SLFN12L: variants seen among roughly 807,000 people sequenced by gnomAD.
The protein encoded by SLFN12L is schlafen family member 12-like.
SLFN12L carries 34 observed loss-of-function variants against 34.8 expected under a neutral mutation model. That is an observed-to-expected ratio of 0.98 (90% CI 0.74 to 1.30). SLFN12L has a LOEUF of 1.30. Among genes scored for constraint, SLFN12L ranks in the 50% most tolerant of loss-of-function variants. SLFN12L has a pLI of 0.00. For synonymous variants in SLFN12L, 259 were observed against 247.5 expected (o/e 1.05, Z -0.44); for missense variants, 703 against 696.2 (o/e 1.01, Z -0.11).
chr17:35,485,849 G>A (rs1914558935), intron 2 of SLFN12L, among the ~76,000 whole-genome samples: 1 of 152,132 alleles, frequency 6.6e-6, no homozygotes, highest in African/African-American at 2.4e-5. Flanking sequence ...TGTTCCATTG[G>A]TCTACGTGTC....
rs892428546 is a variant in SLFN12L at position 35,468,262 on chromosome 17, C to A, written c.*6661G>T. The stretch of plus-strand genomic sequence containing the variant: ...CTTTTGTTGTTTTATCATCTGGAGG[C>A]ACCAACCCTCCATACAAGCCATTGT... On this transcript the variant is annotated 3_prime_UTR_variant, in exon 5 of 5. Transcript: ENST00000628453. 6.6e-6 allele frequency among the ~76,000 whole-genome samples: 1 copy of A among 152,144 alleles called. No homozygotes were observed. The highest frequency in any genetic ancestry group is 2.4e-5 in the African/African-American group (1 of 41,414).
chr17:35,500,846 C>T (rs532341388), intron 2 of SLFN12L, among the ~76,000 whole-genome samples: 34 of 152,252 alleles, frequency 2.2e-4, no homozygotes, highest in Non-Finnish European at 3.5e-4. Flanking sequence ...TTCTGATTAC[C>T]GGTGTATGCA....
chr17:35,475,136 GTA>G lies in SLFN12L; in HGVS notation c.1624_1625del (p.Tyr542LeufsTer4), dbSNP rs757786936. ...KKVCVMTKIF[Y>X]LSPEGKTSCQ... ...AGCTTGTCTTGCCTTCAGGGCTCAA[GTA>G]GAAGATCTTTGTCATGACACACACT... On this transcript the variant is annotated frameshift_variant, in exon 5 of 5. Coordinates refer to ENST00000628453, the MANE Select transcript of SLFN12L (RefSeq NM_001363830.2). LOFTEE classifies it low-confidence loss of function (END_TRUNC). The G allele has an allele frequency of 1.2e-4, 196 of 1,614,204 alleles. 1 individual carries two copies. The African/African-American group carries it at 2.4e-3, about 20-fold the overall frequency.
At position 35,522,657 on chromosome 17, in the gene SLFN12L, G is replaced by A; in HGVS notation, c.-293C>T. The A allele has an allele frequency of 5.0e-6, 8 of 1,614,110 alleles. No homozygotes were observed. The South Asian group carries it at 8.8e-5, about 18-fold the overall frequency. On this transcript the variant is annotated 5_prime_UTR_variant, in exon 2 of 5. Coordinates refer to ENST00000628453, the MANE Select transcript of SLFN12L (RefSeq NM_001363830.2). ...CTGCGCTGCTCTCAGGACTCAGGCA[G>A]AGGACCTTGGCCCTGACACACACCT...
intron 1 of SLFN12L, among the ~76,000 whole-genome samples, chr17:35,535,099 T>C (rs1284166730): frequency 6.6e-6 from 1 of 152,056 alleles, no homozygotes; most frequent in South Asian, 2.1e-4. Context: ...TTGGGGGACA[T>C]ATTCAGAGTC....
chr17:35,492,652 C>G (rs1914881057), intron 2 of SLFN12L, among the ~76,000 whole-genome samples: 2 of 152,120 alleles, frequency 1.3e-5, no homozygotes, highest in Non-Finnish European at 2.9e-5. Flanking sequence ...TCCAGGGTGT[C>G]TCCCGCTTTA....
intron 2 of SLFN12L, among the ~76,000 whole-genome samples, chr17:35,487,475 C>CCT (rs537602954): frequency 1.3e-5 from 2 of 152,152 alleles, no homozygotes; most frequent in East Asian, 1.9e-4. Flanking sequence ...CGGACCACCC[C>CCT]CCCCGGACCC....
chr17:35,522,881 C>T lies in SLFN12L; in HGVS notation c.-517G>A. The T allele has an allele frequency of 1.2e-6, 1 of 830,534 alleles. No individual in the cohort carries two copies. Among genetic ancestry groups the T allele is most frequent in the Non-Finnish European group, 2.0e-6 (1 of 508,628 alleles). 51.4% of individuals were successfully genotyped at this position (830,534 alleles called of 1,614,324 possible). ...TTCCCCAGGAGAAAGGTTGGGTTTG[C>T]TTATTTATTAACTCCTCTAATCCTT... On this transcript the variant is annotated 5_prime_UTR_variant, in exon 2 of 5. Coordinates refer to ENST00000628453, the MANE Select transcript of SLFN12L (RefSeq NM_001363830.2).
chr17:35,505,276 G>T (rs1345552393), intron 2 of SLFN12L, among the ~76,000 whole-genome samples: 1 of 152,118 alleles, frequency 6.6e-6, no homozygotes, highest in East Asian at 1.9e-4. Flanking sequence ...ATATGTGTCA[G>T]AGAGAAAAAA....
intron 1 of SLFN12L, among the ~76,000 whole-genome samples, chr17:35,524,365 C>T (rs1035372469): frequency 6.6e-6 from 1 of 152,202 alleles, no homozygotes; most frequent in Non-Finnish European, 1.5e-5. Context: ...GCACAGCGTT[C>T]GAGCTTGCTA....
chr17:35,468,667 C>T lies in SLFN12L; in HGVS notation c.*6256G>A, dbSNP rs894406746. Among the ~76,000 whole-genome samples, 1 of 152,162 alleles carries T rather than the reference C, an allele frequency of 6.6e-6. No individual in the cohort carries two copies. The highest frequency in any genetic ancestry group is 1.5e-5 in the Non-Finnish European group (1 of 68,036). On this transcript the variant is annotated 3_prime_UTR_variant, in exon 5 of 5. Transcript: ENST00000628453. The stretch of plus-strand genomic sequence containing the variant: ...TTGCTCTCTGCCAAAACATACACCC[C>T]GCACTCCTATGCCTGAAGGAAAATT...
At chr17:35,515,517 G>C (rs1278087018) in intron 2 of SLFN12L, among the ~76,000 whole-genome samples, 2 of 152,020 alleles carry the variant, frequency 1.3e-5, no homozygotes. Flanking sequence ...ACCCCAGGTT[G>C]GAGTGCAGTG....
At chr17:35,523,371 T>C (rs993472526) in intron 1 of SLFN12L, among the ~76,000 whole-genome samples, 1 of 152,202 alleles carries the variant, frequency 6.6e-6, no homozygotes, top group Non-Finnish European at 1.5e-5. Context: ...CAGTCCCCAC[T>C]AATGGGGGTA....
At chr17:35,495,182 G>T (rs1405429574) in intron 2 of SLFN12L, among the ~76,000 whole-genome samples, 1 of 152,146 alleles carries the variant, frequency 6.6e-6, no homozygotes, top group South Asian at 2.1e-4. Context: ...TTATAGGCAT[G>T]AGCCACCACG....
chr17:35,522,811 C>T lies in SLFN12L; in HGVS notation c.-447G>A. On this transcript the variant is annotated 5_prime_UTR_variant, in exon 2 of 5. Coordinates refer to ENST00000628453, the MANE Select transcript of SLFN12L (RefSeq NM_001363830.2). ...GCATCACAGATGACTCCTGGCTTCT[C>T]CTGCAAATTCAGGTCCACAGCCTAG... The T allele has an allele frequency of 6.8e-7, 1 of 1,464,508 alleles. No individual in the cohort carries two copies. The allele number at this position is 1,464,508 out of a possible 1,614,324, so 90.7% of individuals were successfully genotyped here.
intron 2 of SLFN12L, chr17:35,498,172 G>T (rs890236293): frequency 7.5e-6 from 5 of 666,938 alleles, no homozygotes; most frequent in Middle Eastern, 3.9e-4. Flanking sequence ...CTCGATCCGG[G>T]AGGCGGCGGC....
intron 1 of SLFN12L, among the ~76,000 whole-genome samples, chr17:35,536,808 C>CAAA (rs567836499): frequency 3.9e-5 from 5 of 128,510 alleles, no homozygotes; most frequent in African/African-American, 1.1e-4. Flanking sequence ...GAGCCTGTCT[C>CAAA]AAAAAAAAAA....
In SLFN12L at chr17:35,468,437, G is replaced by T. The variant is rs1027757645; in HGVS notation, c.*6486C>A. On this transcript the variant is annotated 3_prime_UTR_variant, in exon 5 of 5. Transcript: ENST00000628453. ...TGCTGCCTCAGATGACATCGATCCA[G>T]CTTACCGTCAGAGATGAATTTACCC... Among the ~76,000 whole-genome samples the T allele has an allele frequency of 2.6e-5, 4 of 152,140 alleles. No homozygotes were observed. Among genetic ancestry groups the T allele is most frequent in the African/African-American group, 9.7e-5 (4 of 41,430 alleles).
intron 1 of SLFN12L, among the ~76,000 whole-genome samples, chr17:35,536,389 T>A (rs2072461560): frequency 6.6e-6 from 1 of 152,210 alleles, no homozygotes; most frequent in Non-Finnish European, 1.5e-5. Flanking sequence ...TAATTAATGT[T>A]GGTAAACAAA....
Sources: allele counts gnomAD v4.1 joint callset (sites outside exome capture counted in the v4.1 genomes callset), GRCh38; gene constraint gnomAD v4.1.1; transcripts MANE v1.5; gene names NCBI Gene and HGNC (gene_info 2026-07-23, HGNC 2026-07-21).